LY75: variants seen among roughly 807,000 people sequenced by gnomAD.
The protein encoded by LY75 is C-type lectin domain family 13 member B.
Under a neutral mutation model 231.7 loss-of-function variants are expected in LY75, and 185 were observed. The observed-to-expected ratio is 0.80, with a 90% CI of 0.71 to 0.90. LY75 has a LOEUF of 0.90. Among genes scored for constraint, LY75 ranks in the 40% least tolerant of loss-of-function variants. The pLI is 0.00. For synonymous variants in LY75, 668 were observed against 689.0 expected (o/e 0.97, Z 0.48); for missense variants, 1,947 against 2,050.2 (o/e 0.95, Z 0.97).
At chr2:159,846,253 G>A (rs950515878) in intron 23 of LY75, among the ~76,000 whole-genome samples, 5 of 152,022 alleles carry the variant, frequency 3.3e-5, no homozygotes, top group African/African-American at 9.7e-5. Flanking sequence ...GGCTGGGTGT[G>A]GTGACTCCTG....
chr2:159,849,137 C>T (rs1684305119), intron 23 of LY75, among the ~76,000 whole-genome samples: 1 of 152,122 alleles, frequency 6.6e-6, no homozygotes, highest in Non-Finnish European at 1.5e-5. Context: ...TACATAGTTA[C>T]TCACGATTGA....
At position 159,808,615 on chromosome 2, in the gene LY75, G is replaced by A. The variant is rs779761439; in HGVS notation, c.4700-44C>T. The A allele has an allele frequency of 7.5e-6, 12 of 1,605,826 alleles. No homozygotes were observed. In the South Asian group the frequency reaches 1.3e-4, roughly 18 times the overall value. ...TTCTCAATTAGCTTTATGGAAACTA[G>A]AGAAGTAGTTTATTCTCAACTAGCC... is the stretch of plus-strand genomic sequence containing the variant. On this transcript the variant is annotated intron_variant, in intron 32 of 34. Coordinates refer to ENST00000263636, the MANE Select transcript of LY75 (RefSeq NM_002349.4).
chr2:159,884,490 C>T (rs1455189139), intron 6 of LY75, among the ~76,000 whole-genome samples: 2 of 152,138 alleles, frequency 1.3e-5, no homozygotes, highest in African/African-American at 4.8e-5. Context: ...CCTGGAAAAA[C>T]CCCCTTATTG....
At position 159,854,348 on chromosome 2, in the gene LY75, CT is replaced by C; in HGVS notation, c.2595+11del. On this transcript the variant is annotated intron_variant, in intron 18 of 34. Coordinates refer to ENST00000263636, the MANE Select transcript of LY75 (RefSeq NM_002349.4). Reference sequence around the variant, plus strand: ...ATAAGAAATATATTTAAAATATATTCTTTTAAATTACATTTGCTATTTTGTT... The same window carrying C: ...ATAAGAAATATATTTAAAATATATTCTTTAAATTACATTTGCTATTTTGTT... 1 of 1,363,966 alleles carries C rather than the reference CT, an allele frequency of 7.3e-7. No individual in the cohort carries two copies. The highest frequency in any genetic ancestry group is 9.6e-7 in the Non-Finnish European group (1 of 1,042,356). The allele number at this position is 1,363,966 out of a possible 1,614,324, so 84.5% of individuals were successfully genotyped here.
chr2:159,879,454 G>C lies in LY75; in HGVS notation c.1405-85C>G, dbSNP rs1053407250. On this transcript the variant is annotated intron_variant, in intron 8 of 34. Coordinates refer to ENST00000263636, the MANE Select transcript of LY75 (RefSeq NM_002349.4). The stretch of plus-strand genomic sequence containing the variant: ...CTGAACTCACAAAAACTATGACAGA[G>C]ACAGAGAGAGAGAAATGAATATAAG... 16 of 1,541,156 alleles carry C rather than the reference G, an allele frequency of 1.0e-5. 1 individual carries two copies. The highest frequency in any genetic ancestry group is 1.0e-4 in the Admixed American group (5 of 49,738).
In LY75 at chr2:159,835,634, G is replaced by T. The variant is rs926557790; in HGVS notation, c.3519C>A (p.Asn1173Lys). Residue 1173 changes from asparagine (N) to lysine (K), a missense_variant, in exon 26 of 35, where the codon AAC (asparagine) becomes AAA (lysine). Asn to Lys is a moderately conservative substitution (Grantham distance 94). Transcript: ENST00000263636. Reference sequence around the variant, plus strand: ...GACGTTTCCCATCTGACCAACCAAAGTTGAGTTCATCCTGTAAGGAGCAGA... The same window carrying T: ...GACGTTTCCCATCTGACCAACCAAATTTGAGTTCATCCTGTAAGGAGCAGA... ...IGLFSQDDEL[N>K]FGWSDGKRLH... The T allele has an allele frequency of 1.2e-6, 2 of 1,613,272 alleles. No homozygotes were observed. The highest frequency in any genetic ancestry group is 1.7e-5 in the Admixed American group (1 of 59,878).
At chr2:159,886,321 T>C (rs1685583242) in intron 5 of LY75, 99 bp downstream of exon 5, 15 of 1,290,798 alleles carry the variant, frequency 1.2e-5, no homozygotes, top group Non-Finnish European at 1.5e-5. Flanking sequence ...TAGTAAGAGC[T>C]GCCAAGATGT....
In LY75 at chr2:159,804,029, A is replaced by C. The variant is rs1442058578; in HGVS notation, c.*1015T>G. 2 of 152,350 alleles carry C rather than the reference A, an allele frequency of 1.3e-5. No individual in the cohort carries two copies. The highest frequency in any genetic ancestry group is 4.8e-5 in the African/African-American group (2 of 41,588). 9.4% of individuals were successfully genotyped at this position (152,350 alleles called of 1,614,324 possible). On this transcript the variant is annotated 3_prime_UTR_variant, in exon 35 of 35. Coordinates refer to ENST00000263636, the MANE Select transcript of LY75 (RefSeq NM_002349.4). ...CAGAAAATGCAAAGCACACTGCTAC[A>C]AGGTACCTACTCAATCTAAAAATAA...
rs10671183 is a variant in LY75, at chr2:159,840,005, C to CA, written c.3507+723dup. Reference sequence around the variant, plus strand: ...TGGGTGACAGAACAAGAACCTGTCTCAAAAAAAAAAAAAAGAAAAAGAAAA... The same window carrying CA: ...TGGGTGACAGAACAAGAACCTGTCTCAAAAAAAAAAAAAAAGAAAAAGAAAA... On this transcript the variant is annotated intron_variant, in intron 25 of 34. Transcript: ENST00000263636. 1.6e-3 allele frequency among the ~76,000 whole-genome samples: 96 copies of CA among 58,920 alleles called. 8 individuals are homozygous for CA. The highest frequency in any genetic ancestry group is 8.7e-3 in the Admixed American group (30 of 3,448). The allele number at this position is 58,920 out of a possible 152,430, so 38.7% of individuals were successfully genotyped here.
chr2:159,850,301 C>T, intron 22 of LY75, 61 bp downstream of exon 22: 1 of 1,592,206 alleles, frequency 6.3e-7, no homozygotes. Context: ...TCCCCATAGC[C>T]TCCTAAAACT....
At chr2:159,889,400 A>T (rs578213665) in intron 4 of LY75, among the ~76,000 whole-genome samples, 74 of 148,242 alleles carry the variant, frequency 5.0e-4, no homozygotes, top group Admixed American at 2.2e-3. Context: ...TTAAAAAAAA[A>T]TTTTTTTTTT....
chr2:159,849,111 T>G (rs1450461881), intron 23 of LY75, among the ~76,000 whole-genome samples: 1 of 152,194 alleles, frequency 6.6e-6, no homozygotes, highest in Non-Finnish European at 1.5e-5. Context: ...CAAGTAATAA[T>G]TTGATATTTA....
At position 159,858,430 on chromosome 2, in the gene LY75, C is replaced by G. The variant is rs771153356; in HGVS notation, c.2315G>C (p.Arg772Thr). The change falls in exon 16 of 35, where the codon AGA (arginine) becomes ACA (threonine). Residue 772 changes from arginine to threonine, a missense_variant. Physicochemically the swap from Arg to Thr is moderately conservative, Grantham distance 71. Transcript: ENST00000263636. ...WRRGWHFYDD[R>T]EFIYLRPFAC... ...AAAAGGCCTCAAATAAATAAATTCT[C>G]TATCATCATAGAAATGCCAGCCTCT... 2 of 1,613,542 alleles carry G rather than the reference C, an allele frequency of 1.2e-6. No individual in the cohort carries two copies. The highest frequency in any genetic ancestry group is 1.1e-5 in the South Asian group (1 of 91,002).
chr2:159,904,538 T>G (rs757131289), intron 1 of LY75, 51 bp downstream of exon 1: 11 of 1,488,444 alleles, frequency 7.4e-6, no homozygotes, highest in Non-Finnish European at 9.8e-6. Flanking sequence ...GCAGCAGAGC[T>G]GTGGCGTCGA....
At position 159,879,342 on chromosome 2, in the gene LY75, C is replaced by A. The variant is rs758347967; in HGVS notation, c.1432G>T (p.Glu478Ter). The A allele has an allele frequency of 6.2e-7, 1 of 1,613,492 alleles. No individual in the cohort carries two copies. Among genetic ancestry groups the A allele is most frequent in the South Asian group, 1.1e-5 (1 of 91,028 alleles). Reference sequence around the variant, plus strand: ...TTGCATACATATTTTAGTTTCTCCTCACATGATTGGACTTTCCACTGACCT... The same window carrying A: ...TTGCATACATATTTTAGTTTCTCCTAACATGATTGGACTTTCCACTGACCT... The part of the protein sequence containing the change: ...ELGQWKVQSC[E>*]EKLKYVCKRK... Residue 478 changes from glutamate (E) to a stop codon, truncating the protein, a stop_gained, in exon 9 of 35, where the codon GAG becomes TAG. Coordinates refer to ENST00000263636, the MANE Select transcript of LY75 (RefSeq NM_002349.4). LOFTEE classifies it high-confidence loss of function.
At chr2:159,904,454 C>T in intron 1 of LY75, 135 bp downstream of exon 1, 1 of 1,029,432 alleles carries the variant, frequency 9.7e-7, no homozygotes, top group Non-Finnish European at 1.3e-6. Flanking sequence ...TCTTCCGGCT[C>T]CAGAGCCCCC....
chr2:159,813,964 T>A (rs554084692), intron 31 of LY75: 1 of 152,374 alleles, frequency 6.6e-6, no homozygotes, highest in African/African-American at 2.4e-5. Flanking sequence ...TTCTTGATTG[T>A]ACCTTGATTC....
chr2:159,879,641 T>C (rs1330977882), intron 8 of LY75, among the ~76,000 whole-genome samples: 1 of 152,096 alleles, frequency 6.6e-6, no homozygotes, highest in African/African-American at 2.4e-5. Flanking sequence ...GCACACTTAG[T>C]ATAAAAGTTG....
chr2:159,812,111 G>A (rs1353138831), intron 31 of LY75: 1 of 152,044 alleles, frequency 6.6e-6, no homozygotes, highest in Admixed American at 6.5e-5. Flanking sequence ...TTAGGATAGG[G>A]AACTTTTCTG....
Sources: allele counts gnomAD v4.1 joint callset (sites outside exome capture counted in the v4.1 genomes callset), GRCh38; gene constraint gnomAD v4.1.1; transcripts MANE v1.5; gene names NCBI Gene and HGNC (gene_info 2026-07-23, HGNC 2026-07-21).